Variants in FOXP1 observed in about 807,000 individuals in gnomAD.
FOXP1 encodes the protein forkhead box protein P1.
A neutral mutation model predicts 98.2 loss-of-function variants in FOXP1; 15 were observed. That is an observed-to-expected ratio of 0.15 (90% CI 0.10 to 0.24). The LOEUF is 0.24. Ranked by LOEUF, FOXP1 falls within the 10% of genes least tolerant of loss-of-function variation. FOXP1 has a pLI of 1.00. For missense variants in FOXP1, 633 were observed against 848.5 expected, an observed-to-expected ratio of 0.75 and a Z score of 3.15; for synonymous variants, 371 against 314.5, an observed-to-expected ratio of 1.18 and a Z score of -1.90.
chr3:71,443,528 C>A (rs1175595122), intron 3 of FOXP1, among the ~76,000 whole-genome samples: 1 of 152,156 alleles, frequency 6.6e-6, no homozygotes, highest in Non-Finnish European at 1.5e-5. Flanking sequence ...TGGAAAGCCA[C>A]TGCCTTCTCT....
At chr3:71,389,801 C>T (rs1159435948) in intron 3 of FOXP1, among the ~76,000 whole-genome samples, 1 of 148,240 alleles carries the variant, frequency 6.7e-6, no homozygotes, top group African/African-American at 2.5e-5. Context: ...TCCACAAGAA[C>T]ATAAAGTGAA....
intron 6 of FOXP1, among the ~76,000 whole-genome samples, chr3:71,127,896 C>A (rs979283663): frequency 6.6e-6 from 1 of 152,116 alleles, no homozygotes; most frequent in Non-Finnish European, 1.5e-5. Flanking sequence ...TGGAGAGAGG[C>A]GGAAAGGCCA....
At chr3:71,582,241 AAAG>A (rs2048236266) in intron 1 of FOXP1, 6 of 985,234 alleles carry the variant, frequency 6.1e-6, no homozygotes, top group South Asian at 9.4e-5. Flanking sequence ...CGAGGGCCAA[AAAG>A]AAGAAGGAAT....
At chr3:71,060,295 T>C (rs1159341139) in intron 7 of FOXP1, among the ~76,000 whole-genome samples, 1 of 152,134 alleles carries the variant, frequency 6.6e-6, no homozygotes, top group Non-Finnish European at 1.5e-5. Context: ...CTCATGCCTA[T>C]TTCCAACACC....
chr3:71,121,942 C>A (rs2058806997), intron 6 of FOXP1, among the ~76,000 whole-genome samples: 1 of 147,112 alleles, frequency 6.8e-6, no homozygotes, highest in Non-Finnish European at 1.5e-5. Context: ...CTGTATTTAA[C>A]CCACTGTTTT....
intron 2 of FOXP1, among the ~76,000 whole-genome samples, chr3:71,567,616 T>C (rs1228276489): frequency 6.6e-6 from 1 of 152,210 alleles, no homozygotes; most frequent in African/African-American, 2.4e-5. Context: ...TCCAATGCAG[T>C]GGTACCGCAC....
chr3:71,294,648 T>C (rs941695888), intron 5 of FOXP1, among the ~76,000 whole-genome samples: 2 of 152,198 alleles, frequency 1.3e-5, no homozygotes, highest in Admixed American at 6.5e-5. Flanking sequence ...ATGAAATTAC[T>C]AGATTGGAGC....
chr3:70,992,095 T>TC (rs916782024), intron 13 of FOXP1, among the ~76,000 whole-genome samples: 2 of 152,176 alleles, frequency 1.3e-5, no homozygotes, highest in Non-Finnish European at 2.9e-5. Context: ...AATGATGATC[T>TC]CCAAGTGAAA....
chr3:71,187,131 G>T (rs890748344), intron 6 of FOXP1, among the ~76,000 whole-genome samples: 2 of 152,230 alleles, frequency 1.3e-5, no homozygotes, highest in African/African-American at 4.8e-5. Flanking sequence ...CCTACTCAAA[G>T]AAGGTACTGA....
intron 4 of FOXP1, among the ~76,000 whole-genome samples, chr3:71,307,936 G>A (rs555050656): frequency 7.0e-4 from 107 of 152,286 alleles, no homozygotes; most frequent in African/African-American, 2.4e-3. Context: ...AAATAAAGAC[G>A]ACAATCCAGG....
chr3:71,294,175 C>A (rs960069675), intron 5 of FOXP1, among the ~76,000 whole-genome samples: 10 of 152,108 alleles, frequency 6.6e-5, no homozygotes, highest in Non-Finnish European at 1.5e-4. Context: ...ATGAAATATT[C>A]TAAAACTGAA....
At chr3:71,338,056 G>A (rs767934238) in intron 4 of FOXP1, among the ~76,000 whole-genome samples, 25 of 152,176 alleles carry the variant, frequency 1.6e-4, no homozygotes, top group African/African-American at 3.4e-4. Flanking sequence ...GAAGAGATTC[G>A]AAAGAGGTGT....
intron 3 of FOXP1, among the ~76,000 whole-genome samples, chr3:71,433,044 A>G (rs539181229): frequency 7.6e-4 from 115 of 152,152 alleles, no homozygotes; most frequent in African/African-American, 2.7e-3. Flanking sequence ...TAAAAAAAAA[A>G]TAGTGACTTG....
chr3:70,963,706 G>C (rs114831356), intron 20 of FOXP1, among the ~76,000 whole-genome samples: 2,254 of 152,334 alleles, frequency 0.015, 26 homozygotes, highest in Non-Finnish European at 0.024. Flanking sequence ...AAGGCATTGT[G>C]TTCTGGGGGT....
At chr3:71,166,326 T>C (rs2061397949) in intron 6 of FOXP1, among the ~76,000 whole-genome samples, 1 of 152,172 alleles carries the variant, frequency 6.6e-6, no homozygotes. Flanking sequence ...CACAGAGCCA[T>C]GAATCATTAA....
At chr3:71,047,314 ACATAATTCGTC>A (rs1340470314) in intron 9 of FOXP1, among the ~76,000 whole-genome samples, 1 of 152,190 alleles carries the variant, frequency 6.6e-6, no homozygotes, top group Non-Finnish European at 1.5e-5. Flanking sequence ...TCCCATAAAC[ACATAATTCGTC>A]CATCAAGCCA....
intron 4 of FOXP1, among the ~76,000 whole-genome samples, chr3:71,347,699 A>G (rs1368514812): frequency 6.6e-6 from 1 of 152,114 alleles, no homozygotes; most frequent in African/African-American, 2.4e-5. Context: ...CAGCCTGACC[A>G]ACATAGAGAA....
At chr3:70,968,295 A>C (rs536906713) in intron 19 of FOXP1, 66 of 152,180 alleles carry the variant, frequency 4.3e-4, no homozygotes, top group African/African-American at 1.5e-3. Flanking sequence ...CTCTCTGTTA[A>C]GCAAGTGATC....
intron 5 of FOXP1, among the ~76,000 whole-genome samples, chr3:71,278,463 G>A (rs145751535): frequency 1.5e-4 from 23 of 152,206 alleles, no homozygotes; most frequent in Non-Finnish European, 2.8e-4. Flanking sequence ...TAAAACGGCC[G>A]GTCTCAGGAA....
Sources: gnomAD v4.1 joint callset for allele counts (sites outside exome capture counted in the v4.1 genomes callset) on GRCh38, gnomAD v4.1.1 for gene constraint, MANE v1.5 for transcripts, NCBI Gene and HGNC (gene_info 2026-07-23, HGNC 2026-07-21) for gene names.